Variants in PTK2 observed in about 807,000 individuals in gnomAD.
The protein encoded by PTK2 is protein tyrosine kinase 2, also known as focal adhesion kinase 1.
Under a neutral mutation model 150.1 loss-of-function variants are expected in PTK2, and 45 were observed. The ratio of observed to expected loss-of-function variants is 0.30; its 90% CI spans 0.24 to 0.38. The LOEUF is 0.38. Among genes scored for constraint, PTK2 ranks in the 10% least tolerant of loss-of-function variants. The probability of loss-of-function intolerance (pLI) is 1.00; values close to 1 mark genes in which losing one functional copy is unlikely to be tolerated. For synonymous variants in PTK2, 432 were observed against 449.2 expected (o/e 0.96, Z 0.48); for missense variants, 919 against 1,307.3 (o/e 0.70, Z 4.58).
At chr8:140,663,458 G>A (rs1344280827) in intron 31 of PTK2, among the ~76,000 whole-genome samples, 1 of 152,218 alleles carries the variant, frequency 6.6e-6, no homozygotes, top group East Asian at 1.9e-4. Context: ...CAGGGAGCAA[G>A]GCTGAAGCCT....
intron 8 of PTK2, among the ~76,000 whole-genome samples, chr8:140,830,084 TACACACACAC>T (rs67413157): frequency 6.0e-5 from 9 of 149,386 alleles, no homozygotes; most frequent in East Asian, 5.9e-4. Flanking sequence ...CGCACACACA[TACACACACAC>T]ACACACACAC....
At chr8:140,773,319 A>G (rs1441435476) in intron 14 of PTK2, among the ~76,000 whole-genome samples, 1 of 152,268 alleles carries the variant, frequency 6.6e-6, no homozygotes, top group Non-Finnish European at 1.5e-5. Flanking sequence ...AACAGTGAAC[A>G]AAATAGAAAC....
chr8:140,738,247 G>C (rs1380179588), intron 21 of PTK2, among the ~76,000 whole-genome samples: 1 of 151,984 alleles, frequency 6.6e-6, no homozygotes, highest in African/African-American at 2.4e-5. Context: ...TTGAGGGTTA[G>C]GTAGGATTTC....
intron 31 of PTK2, among the ~76,000 whole-genome samples, chr8:140,663,968 TAA>T (rs1341498026): frequency 6.6e-6 from 1 of 152,144 alleles, no homozygotes; most frequent in Non-Finnish European, 1.5e-5. Context: ...AGAAGCTTCT[TAA>T]AGACATTCAT....
chr8:140,868,707 T>C (rs888121409), intron 4 of PTK2, among the ~76,000 whole-genome samples: 2 of 152,096 alleles, frequency 1.3e-5, no homozygotes, highest in Admixed American at 1.3e-4. Context: ...ATAAAAACAA[T>C]ACCAAACTCA....
chr8:140,854,877 A>T (rs769413882), intron 5 of PTK2, among the ~76,000 whole-genome samples: 1 of 152,188 alleles, frequency 6.6e-6, no homozygotes, highest in East Asian at 1.9e-4. Flanking sequence ...AGTTTATTGT[A>T]ATCTATTTCC....
Position 140,731,991 on chromosome 8 carries a change from G to T in PTK2, c.2030+3260C>A, listed in dbSNP as rs73369954. On this transcript the variant is annotated intron_variant, in intron 22 of 31. Transcript: ENST00000522684. ...GTCTACTTGCAAATATTCTTTCAAG[G>T]TAGGGAAGGAGAATTCTTTCGAGGT... Among the ~76,000 whole-genome samples the T allele has an allele frequency of 4.0e-3, 616 of 152,294 alleles. 9 individuals carry two copies. The highest frequency in any genetic ancestry group is 0.014 in the African/African-American group (585 of 41,552).
intron 3 of PTK2, among the ~76,000 whole-genome samples, chr8:140,881,255 G>A (rs149672173): frequency 2.0e-4 from 30 of 152,284 alleles, no homozygotes; most frequent in African/African-American, 6.7e-4. Context: ...AAGAGTCCAC[G>A]TTCTAGTCTT....
At chr8:140,708,660 A>C (rs1347020271) in intron 23 of PTK2, among the ~76,000 whole-genome samples, 1 of 152,074 alleles carries the variant, frequency 6.6e-6, no homozygotes, top group Non-Finnish European at 1.5e-5. Flanking sequence ...AACACCCCAA[A>C]CAGGAAAAGG....
intron 2 of PTK2, among the ~76,000 whole-genome samples, chr8:140,912,995 A>G (rs1377182352): frequency 6.6e-6 from 1 of 152,098 alleles, no homozygotes; most frequent in Non-Finnish European, 1.5e-5. Flanking sequence ...AACAGACAAA[A>G]CTAGAGTTAA....
chr8:140,789,537 CA>C lies in PTK2; in HGVS notation c.1125-12del, dbSNP rs2100087184. 1.2e-6 allele frequency: 2 copies of C among 1,611,988 alleles called. No homozygotes were observed. The highest frequency in any genetic ancestry group is 2.7e-5 in the African/African-American group (2 of 74,858). ...TCGCTGTTGGCCAACCTGTGACAGACAAGAGCAAAGCTGTAAGCCCTGCAAT... is the reference window on the plus strand; with the variant it reads ...TCGCTGTTGGCCAACCTGTGACAGACAGAGCAAAGCTGTAAGCCCTGCAAT... On this transcript the variant is annotated splice_polypyrimidine_tract_variant and intron_variant, in intron 13 of 31. Coordinates refer to ENST00000522684, the Ensembl canonical transcript of PTK2.
chr8:140,683,355 AATAG>A (rs1005325650), intron 27 of PTK2, among the ~76,000 whole-genome samples: 9 of 152,338 alleles, frequency 5.9e-5, no homozygotes, highest in African/African-American at 1.4e-4. Flanking sequence ...TTGAATCAGT[AATAG>A]ATAGCCTATC....
intron 4 of PTK2, among the ~76,000 whole-genome samples, chr8:140,874,655 G>A (rs2100144520): frequency 6.6e-6 from 1 of 151,958 alleles, no homozygotes; most frequent in Non-Finnish European, 1.5e-5. Context: ...TTTCTCACAA[G>A]CAAAATGGCA....
At chr8:140,926,859 G>A (rs1000451799) in intron 1 of PTK2, among the ~76,000 whole-genome samples, 5 of 152,048 alleles carry the variant, frequency 3.3e-5, no homozygotes, top group African/African-American at 9.7e-5. Context: ...TATCTAAAAA[G>A]GCAAAGACAA....
At chr8:140,815,517 C>T (rs1027722236) in intron 10 of PTK2, among the ~76,000 whole-genome samples, 2 of 151,954 alleles carry the variant, frequency 1.3e-5, no homozygotes, top group African/African-American at 2.4e-5. Context: ...CTGTGTGACA[C>T]GAGGTTACCT....
intron 26 of PTK2, among the ~76,000 whole-genome samples, chr8:140,692,652 AAC>A (rs1318130303): frequency 6.6e-6 from 1 of 152,158 alleles, no homozygotes; most frequent in Non-Finnish European, 1.5e-5. Flanking sequence ...AAAAAAAAAA[AAC>A]AGTTCGGCTT....
chr8:140,708,084 A>T (rs1482496400), intron 23 of PTK2, among the ~76,000 whole-genome samples: 1 of 152,230 alleles, frequency 6.6e-6, no homozygotes, highest in Non-Finnish European at 1.5e-5. Context: ...GAAGTCAATA[A>T]AGTCTTTTAA....
intron 25 of PTK2, 127 bp downstream of exon 28, chr8:140,702,443 T>C: frequency 6.4e-6 from 8 of 1,248,840 alleles, no homozygotes; most frequent in Non-Finnish European, 8.9e-6. Flanking sequence ...GGTTTCAAAC[T>C]CTGGGGCTCA....
chr8:140,700,364 G>T (rs1043628352), intron 26 of PTK2, among the ~76,000 whole-genome samples: 3 of 151,892 alleles, frequency 2.0e-5, no homozygotes, highest in East Asian at 1.9e-4. Flanking sequence ...TAGAGACAGG[G>T]TCTTGCTGTG....
Sources: allele counts gnomAD v4.1 joint callset (sites outside exome capture counted in the v4.1 genomes callset), GRCh38; gene constraint gnomAD v4.1.1; transcripts MANE v1.5; gene names NCBI Gene and HGNC (gene_info 2026-07-23, HGNC 2026-07-21).